VWCE: variants seen among roughly 807,000 people sequenced by gnomAD.
VWCE encodes von Willebrand factor C and EGF domain-containing protein.
In VWCE, 68 loss-of-function variants were observed where a neutral mutation model predicts 102.9. The ratio of observed to expected loss-of-function variants is 0.66; its 90% CI spans 0.54 to 0.81. VWCE has a LOEUF of 0.81. VWCE is among the 30% of genes least tolerant of loss of function. The pLI is 0.00. For synonymous variants in VWCE, 497 were observed against 515.4 expected (o/e 0.96, Z 0.48); for missense variants, 1,137 against 1,263.6 (o/e 0.90, Z 1.52).
chr11:61,275,052 G>A (rs1231429622), intron 11 of VWCE, among the ~76,000 whole-genome samples: 1 of 152,096 alleles, frequency 6.6e-6, no homozygotes, highest in Non-Finnish European at 1.5e-5. Flanking sequence ...AAGACCCCAT[G>A]TCAACAACAA....
At chr11:61,293,709 G>A (rs573458672) in intron 1 of VWCE, among the ~76,000 whole-genome samples, 10 of 152,316 alleles carry the variant, frequency 6.6e-5, no homozygotes, top group African/African-American at 1.9e-4. Context: ...CCCACTCTGC[G>A]CTGGGCACTG....
intron 13 of VWCE, among the ~76,000 whole-genome samples, chr11:61,272,512 CAT>C (rs1435335480): frequency 6.6e-6 from 1 of 151,770 alleles, no homozygotes; most frequent in African/African-American, 2.4e-5. Context: ...CACAAAGACA[CAT>C]GTACACAGAC....
chr11:61,287,578 C>T (rs187173846), intron 4 of VWCE, among the ~76,000 whole-genome samples: 9 of 152,322 alleles, frequency 5.9e-5, no homozygotes, highest in East Asian at 3.9e-4. Flanking sequence ...CAGATGTTCA[C>T]GGTCTGATAA....
chr11:61,268,971 G>T lies in VWCE; in HGVS notation c.1833C>A (p.Cys611Ter). 1 of 1,614,096 alleles carries T rather than the reference G, an allele frequency of 6.2e-7. No homozygotes were observed. Among genetic ancestry groups the T allele is most frequent in the Non-Finnish European group, 8.5e-7 (1 of 1,180,032 alleles). The change falls in exon 15 of 20, where the codon TGC becomes TGA. Residue 611 changes from cysteine to a stop codon, truncating the protein, a stop_gained. Transcript: ENST00000335613. LOFTEE classifies it high-confidence loss of function. ...GTCCAGGGATCCGGATCGGGTGAGGGCAGGAGTCCACACAGTCTGTCCTCT... is the reference window on the plus strand; with the variant it reads ...GTCCAGGGATCCGGATCGGGTGAGGTCAGGAGTCCACACAGTCTGTCCTCT... The part of the protein sequence containing the change: ...SCKRTDCVDS[C>*]PHPIRIPGQC...
At chr11:61,261,214 C>T (rs932959424) in intron 19 of VWCE, among the ~76,000 whole-genome samples, 5 of 144,676 alleles carry the variant, frequency 3.5e-5, no homozygotes, top group Admixed American at 6.8e-5. Context: ...AGAGAGACTC[C>T]ATCTCAAAAA....
Position 61,258,832 on chromosome 11 carries a change from A to G in VWCE, c.2711T>C (p.Met904Thr). 1 of 1,514,938 alleles carries G rather than the reference A, an allele frequency of 6.6e-7. No homozygotes were observed. Among genetic ancestry groups the G allele is most frequent in the Non-Finnish European group, 8.8e-7 (1 of 1,134,032 alleles). 93.8% of individuals were successfully genotyped at this position (1,514,938 alleles called of 1,614,324 possible). The change falls in exon 20 of 20, where the codon ATG becomes ACG. Residue 904 changes from methionine to threonine, a missense_variant. Physicochemically the swap from Met to Thr is moderately conservative, Grantham distance 81. Transcript: ENST00000335613. ...GGGGGTCTTCGAGGGGCTGGGGTCCATCATGGAAAGTGCTGAAGCTTCCGT... is the reference window on the plus strand; with the variant it reads ...GGGGGTCTTCGAGGGGCTGGGGTCCGTCATGGAAAGTGCTGAAGCTTCCGT... ...LLTEASALSMMDPSPSKTPIT... is the reference protein window; with the variant it reads ...LLTEASALSMTDPSPSKTPIT...
intron 9 of VWCE, among the ~76,000 whole-genome samples, chr11:61,279,996 G>A (rs1855065519): frequency 6.6e-6 from 1 of 152,110 alleles, no homozygotes; most frequent in African/African-American, 2.4e-5. Flanking sequence ...CAAAGTGCTG[G>A]GATTACAGGC....
At chr11:61,282,517 G>C in intron 6 of VWCE, 1 of 374,424 alleles carries the variant, frequency 2.7e-6, no homozygotes, top group Non-Finnish European at 4.8e-6. Context: ...GGTGAGCAGA[G>C]AGGAATCCTT....
intron 10 of VWCE, among the ~76,000 whole-genome samples, chr11:61,277,138 A>C (rs1854951678): frequency 6.8e-6 from 1 of 147,128 alleles, no homozygotes; most frequent in African/African-American, 2.5e-5. Flanking sequence ...GAAAGAGAAG[A>C]AAGAAACAAG....
intron 19 of VWCE, among the ~76,000 whole-genome samples, chr11:61,261,586 A>AAG (rs1854361805): frequency 6.6e-6 from 1 of 152,064 alleles, no homozygotes; most frequent in East Asian, 1.9e-4. Flanking sequence ...TAAAAAAAAA[A>AAG]AAGTAAAAAA....
chr11:61,263,835 G>C (rs892908150), intron 19 of VWCE, among the ~76,000 whole-genome samples: 2 of 152,154 alleles, frequency 1.3e-5, no homozygotes, highest in Non-Finnish European at 2.9e-5. Flanking sequence ...ACACATATTA[G>C]AGATTACTCT....
chr11:61,268,440 G>C (rs1210504598), intron 15 of VWCE, among the ~76,000 whole-genome samples: 2 of 152,172 alleles, frequency 1.3e-5, no homozygotes, highest in Non-Finnish European at 2.9e-5. Context: ...TGTGATCCCA[G>C]CTACTCAGAA....
At chr11:61,281,344 TGG>T in intron 7 of VWCE, 109 bp from the exon 8 acceptor site, 1 of 1,325,134 alleles carries the variant, frequency 7.5e-7, no homozygotes, top group South Asian at 1.4e-5. Context: ...TCACCCCCCG[TGG>T]TCTGCGCAAC....
intron 10 of VWCE, 75 bp from the exon 11 acceptor site, chr11:61,276,755 C>T: frequency 5.7e-6 from 7 of 1,235,138 alleles, no homozygotes; most frequent in Non-Finnish European, 7.6e-6. Flanking sequence ...ACAGCAGGCC[C>T]TTCGAACAGG....
At chr11:61,282,521 A>C (rs560426496) in intron 6 of VWCE, 2 of 380,544 alleles carry the variant, frequency 5.3e-6, no homozygotes, top group Non-Finnish European at 4.7e-6. Context: ...AGCAGAGAGG[A>C]ATCCTTGGGG....
chr11:61,264,638 G>T, intron 18 of VWCE, 61 bp from the exon 19 acceptor site: 1 of 1,491,530 alleles, frequency 6.7e-7, no homozygotes, highest in Non-Finnish European at 9.2e-7. Flanking sequence ...CCTGGGCAGT[G>T]CCCTCAAGGG....
In VWCE at chr11:61,288,837, G is replaced by A. The variant is rs763251409; in HGVS notation, c.424+1962C>T. ...AGCTGACAGGAAGCCTCTTTATGGC[G>A]CGTTTTTTTTTTTTTTTTTGAGACG... On this transcript the variant is annotated intron_variant, in intron 4 of 19. Transcript: ENST00000335613. Among the ~76,000 whole-genome samples, 11 of 148,360 alleles carry A rather than the reference G, an allele frequency of 7.4e-5. No homozygotes were observed. The South Asian group carries it at 8.5e-4, about 11-fold the overall frequency.
chr11:61,283,084 C>G (rs1424091207), intron 5 of VWCE, among the ~76,000 whole-genome samples, 179 bp from the exon 6 acceptor site: 1 of 152,176 alleles, frequency 6.6e-6, no homozygotes, highest in Non-Finnish European at 1.5e-5. Flanking sequence ...GACCAGCCCA[C>G]GTCTCTCATC....
At chr11:61,274,206 G>A (rs1007678661) in intron 12 of VWCE, among the ~76,000 whole-genome samples, 1 of 152,038 alleles carries the variant, frequency 6.6e-6, no homozygotes, top group Non-Finnish European at 1.5e-5. Context: ...CTGGGCACCC[G>A]GCCATCAACC....
Sources: gnomAD v4.1 joint callset for allele counts (sites outside exome capture counted in the v4.1 genomes callset) on GRCh38, gnomAD v4.1.1 for gene constraint, MANE v1.5 for transcripts, NCBI Gene and HGNC (gene_info 2026-07-23, HGNC 2026-07-21) for gene names.